The following CTNNBL1 variants were observed in gnomAD, a reference collection of about 807,000 sequenced individuals.
CTNNBL1 encodes beta-catenin-like protein 1.
In CTNNBL1, 31 loss-of-function variants were observed where a neutral mutation model predicts 72.7. That is an observed-to-expected ratio of 0.43 (90% CI 0.32 to 0.58). CTNNBL1 has a LOEUF of 0.58. CTNNBL1 is among the 20% of genes least tolerant of loss of function. The probability of loss-of-function intolerance (pLI) is 0.08; values close to 1 mark genes in which losing one functional copy is unlikely to be tolerated. For missense variants in CTNNBL1, 534 were observed against 725.1 expected (o/e 0.74, Z 3.03); for synonymous variants, 240 against 267.3 (o/e 0.90, Z 1.00).
intron 3 of CTNNBL1, among the ~76,000 whole-genome samples, chr20:37,742,131 G>A (rs1405224626): frequency 1.3e-5 from 2 of 152,128 alleles, no homozygotes; most frequent in African/African-American, 2.4e-5. Flanking sequence ...TCTTATATGA[G>A]ATGTATCTAG....
At chr20:37,735,340 G>T (rs749020971) in intron 2 of CTNNBL1, among the ~76,000 whole-genome samples, 9 of 152,124 alleles carry the variant, frequency 5.9e-5, no homozygotes, top group Non-Finnish European at 8.8e-5. Flanking sequence ...GGGAGTCTTT[G>T]CACTGGTTTG....
At chr20:37,757,714 C>A (rs914736174) in intron 5 of CTNNBL1, 58 bp downstream of exon 5, 7 of 1,324,328 alleles carry the variant, frequency 5.3e-6, no homozygotes, top group African/African-American at 1.4e-5. Context: ...GCATTGCCAC[C>A]ACCATCGTCT....
intron 1 of CTNNBL1, among the ~76,000 whole-genome samples, chr20:37,717,733 T>C (rs2072999518): frequency 6.6e-6 from 1 of 152,130 alleles, no homozygotes; most frequent in South Asian, 2.1e-4. Flanking sequence ...TCTCTGGTTT[T>C]CCTAGGCAGA....
intron 10 of CTNNBL1, among the ~76,000 whole-genome samples, chr20:37,799,953 G>C (rs545256241): frequency 3.1e-4 from 47 of 152,242 alleles, no homozygotes; most frequent in Admixed American, 3.1e-3. Context: ...GCTCCAAGGG[G>C]CACTATCAGC....
intron 3 of CTNNBL1, among the ~76,000 whole-genome samples, chr20:37,744,410 T>C (rs149196415): frequency 6.6e-6 from 1 of 152,352 alleles, no homozygotes; most frequent in Non-Finnish European, 1.5e-5. Flanking sequence ...CATCTTAGTG[T>C]CATTTGTTAA....
intron 11 of CTNNBL1, among the ~76,000 whole-genome samples, chr20:37,838,515 G>A (rs190683274): frequency 7.7e-4 from 117 of 152,312 alleles, no homozygotes; most frequent in Non-Finnish European, 7.2e-4. Context: ...GGAGATTCTG[G>A]TTGCCATTAG....
intron 10 of CTNNBL1, among the ~76,000 whole-genome samples, chr20:37,780,159 A>G (rs893660982): frequency 1.3e-5 from 2 of 151,936 alleles, no homozygotes; most frequent in African/African-American, 4.8e-5. Context: ...TTTAAAAAAA[A>G]AAAAAACAAG....
At chr20:37,722,746 T>A (rs1376319356) in intron 1 of CTNNBL1, among the ~76,000 whole-genome samples, 1 of 152,204 alleles carries the variant, frequency 6.6e-6, no homozygotes, top group Admixed American at 6.5e-5. Context: ...CATGTGGCTC[T>A]TAAGTGATTT....
chr20:37,761,982 G>A (rs895702200), intron 5 of CTNNBL1, among the ~76,000 whole-genome samples: 1 of 152,220 alleles, frequency 6.6e-6, no homozygotes. Flanking sequence ...GACCACGCTG[G>A]GCTCTGTGGG....
intron 13 of CTNNBL1, among the ~76,000 whole-genome samples, chr20:37,846,177 C>T (rs2072345704): frequency 6.6e-6 from 1 of 152,180 alleles, no homozygotes; most frequent in South Asian, 2.1e-4. Flanking sequence ...AGGCTAGAGT[C>T]ACCCTAAACT....
chr20:37,749,384 C>A (rs1006499093), intron 4 of CTNNBL1, among the ~76,000 whole-genome samples: 1 of 152,102 alleles, frequency 6.6e-6, no homozygotes, highest in Non-Finnish European at 1.5e-5. Context: ...AGAAGACTGA[C>A]ACAAAAAACG....
intron 11 of CTNNBL1, among the ~76,000 whole-genome samples, chr20:37,837,094 C>G (rs2072260772): frequency 1.3e-5 from 2 of 152,174 alleles, no homozygotes; most frequent in Non-Finnish European, 2.9e-5. Flanking sequence ...AGAGTTGATT[C>G]TGTCCCTCAT....
chr20:37,857,287 G>T (rs1186532751), intron 13 of CTNNBL1, among the ~76,000 whole-genome samples: 2 of 152,188 alleles, frequency 1.3e-5, no homozygotes, highest in Non-Finnish European at 2.9e-5. Flanking sequence ...CAATGAATTT[G>T]CTACTAAATG....
At chr20:37,821,771 A>G (rs939359947) in intron 11 of CTNNBL1, among the ~76,000 whole-genome samples, 4 of 152,240 alleles carry the variant, frequency 2.6e-5, no homozygotes, top group African/African-American at 4.8e-5. Context: ...ACTTAGAACC[A>G]GATAATTTTT....
In CTNNBL1 at chr20:37,800,423, C is replaced by T. The variant is rs184029261; in HGVS notation, c.1032-2444C>T. ...ACTTTTCACTCCACTTCTGCCCTAC[C>T]ACTGCTCTCTGGAAGGTTGCTAGTG... On this transcript the variant is annotated intron_variant, in intron 10 of 15. Transcript: ENST00000361383. 2.0e-5 allele frequency among the ~76,000 whole-genome samples: 3 copies of T among 152,308 alleles called. No homozygotes were observed. The East Asian group carries it at 5.8e-4, about 29-fold the overall frequency.
intron 11 of CTNNBL1, among the ~76,000 whole-genome samples, chr20:37,820,000 G>C (rs530315993): frequency 6.6e-6 from 1 of 150,472 alleles, no homozygotes; most frequent in East Asian, 2.0e-4. Context: ...TCAGCTTCCT[G>C]AGTAGCTGGG....
At chr20:37,729,388 T>A (rs2073111218) in intron 1 of CTNNBL1, among the ~76,000 whole-genome samples, 1 of 152,216 alleles carries the variant, frequency 6.6e-6, no homozygotes, top group Non-Finnish European at 1.5e-5. Flanking sequence ...TTAATGGGAA[T>A]TTAATAAATG....
chr20:37,765,794 C>G (rs930376809), intron 6 of CTNNBL1, among the ~76,000 whole-genome samples: 1 of 152,150 alleles, frequency 6.6e-6, no homozygotes, highest in African/African-American at 2.4e-5. Context: ...ATTGCTACTA[C>G]TTGGCTGTCC....
intron 5 of CTNNBL1, among the ~76,000 whole-genome samples, chr20:37,761,922 G>C (rs1484861746): frequency 6.6e-6 from 1 of 152,244 alleles, no homozygotes; most frequent in African/African-American, 2.4e-5. Context: ...GAAGGGGCCA[G>C]TCTTGTTAAT....
Sources: allele counts gnomAD v4.1 joint callset (sites outside exome capture counted in the v4.1 genomes callset), GRCh38; gene constraint gnomAD v4.1.1; transcripts MANE v1.5; gene names NCBI Gene and HGNC (gene_info 2026-07-23, HGNC 2026-07-21).